FSCN2: variants seen among roughly 807,000 people sequenced by gnomAD.
FSCN2 encodes the protein fascin-2.
Under a neutral mutation model 37.8 loss-of-function variants are expected in FSCN2, and 46 were observed. The ratio of observed to expected loss-of-function variants is 1.22; its 90% confidence interval spans 0.96 to 1.56. FSCN2 has a LOEUF of 1.56. Ranked by LOEUF, FSCN2 falls within the 40% of genes most tolerant of loss-of-function variation. The pLI is 0.00. For missense variants in FSCN2, 844 were observed against 730.4 expected (o/e 1.16, Z -1.79); for synonymous variants, 351 against 309.4 (o/e 1.13, Z -1.41).
intron 2 of FSCN2, among the ~76,000 whole-genome samples, chr17:81,535,802 C>T (rs1314587438): frequency 9.1e-6 from 1 of 110,288 alleles, no homozygotes; most frequent in Non-Finnish European, 1.9e-5. Context: ...CCATCTCCAC[C>T]ATCCCCATCT....
upstream of FSCN2, among the ~76,000 whole-genome samples, chr17:81,524,893 TCACACACA>T (rs138139508): frequency 7.0e-4 from 86 of 122,838 alleles, no homozygotes; most frequent in Admixed American, 2.4e-3. Context: ...ATGAGCACCT[TCACACACA>T]CACACACACA....
chr17:81,531,297 A>ATGGTGG lies in FSCN2; in HGVS notation c.826+1945_826+1946insGTGGTG, dbSNP rs1568077052. 3.6e-3 allele frequency among the ~76,000 whole-genome samples: 161 copies of ATGGTGG among 44,368 alleles called. 4 individuals carry two copies. Among genetic ancestry groups the ATGGTGG allele is most frequent in the African/African-American group, 0.016 (146 of 9,290 alleles). The allele number at this position is 44,368 out of a possible 152,430, so 29.1% of individuals were successfully genotyped here. Reference sequence around the variant, plus strand: ...GGCGGTGGTGATGGTGATGGTGGTGATGGTGATGGTGGTGGTGGTGATGAT... The same window carrying ATGGTGG: ...GGCGGTGGTGATGGTGATGGTGGTGATGGTGGTGGTGATGGTGGTGGTGGTGATGAT... On this transcript the variant is annotated intron_variant, in intron 1 of 4. Coordinates refer to ENST00000417245, the MANE Select transcript of FSCN2 (RefSeq NM_012418.4).
chr17:81,536,022 G>A, intron 2 of FSCN2, 124 bp from the exon 3 acceptor site: 1 of 1,205,484 alleles, frequency 8.3e-7, no homozygotes, highest in South Asian at 1.4e-5. Context: ...GCCTGATGGT[G>A]GTGGGTGTGT....
In FSCN2 at chr17:81,529,134, C is replaced by T. The variant is rs2032461353; in HGVS notation, c.603C>T (p.Val201=). The change falls in exon 1 of 5, where the codon GTC becomes GTT. Residue 201 remains valine, a synonymous_variant. Coordinates refer to ENST00000417245, the MANE Select transcript of FSCN2 (RefSeq NM_012418.4). ...ACCTGCGCAGCGACGGCCGTCTGGT[C>T]TGGGAGCCTGAGCCCCGTGCCTGCT... ...SRYLRSDGRL[V]WEPEPRACYT... is the part of the protein sequence containing the mutation. 6.3e-7 allele frequency: 1 copy of T among 1,584,294 alleles called. No individual in the cohort carries two copies. Among genetic ancestry groups the T allele is most frequent in the Non-Finnish European group, 8.6e-7 (1 of 1,166,774 alleles).
chr17:81,518,049 C>T, the FSCN2 span, among the ~76,000 whole-genome samples: 1 of 152,280 alleles, frequency 6.6e-6, no homozygotes, highest in African/African-American at 2.4e-5. Flanking sequence ...TGTTTCAAAT[C>T]CCCGCTGCTC....
In FSCN2 at chr17:81,536,897, C is replaced by A; in HGVS notation, c.1296C>A (p.Tyr432Ter). ...CAGGCCGCGACGGAGGGTTCTGGTA[C>A]ACGGGCAGCCACGGCAGCGTGTGCA... ...RIRGRDGGFW[Y>*]TGSHGSVCSD... Residue 432 changes from tyrosine to a stop codon, truncating the protein, a stop_gained, in exon 5 of 5, where the codon TAC (tyrosine) becomes TAA (stop). Coordinates refer to ENST00000417245, the MANE Select transcript of FSCN2 (RefSeq NM_012418.4). LOFTEE classifies it low-confidence loss of function (END_TRUNC). The A allele has an allele frequency of 6.3e-7, 1 of 1,576,908 alleles. No individual in the cohort carries two copies. The highest frequency in any genetic ancestry group is 8.6e-7 in the Non-Finnish European group (1 of 1,163,876).
At chr17:81,518,240 C>A in the FSCN2 span, among the ~76,000 whole-genome samples, 8 of 152,158 alleles carry the variant, frequency 5.3e-5, no homozygotes, top group African/African-American at 1.9e-4. Flanking sequence ...ATGCCACCCA[C>A]GACCTCCCAT....
intron 1 of FSCN2, among the ~76,000 whole-genome samples, chr17:81,531,303 A>ATGGTGGTGG (rs1568077070): frequency 2.7e-5 from 1 of 37,278 alleles, no homozygotes; most frequent in African/African-American, 1.5e-4. Context: ...GGTGATGGTG[A>ATGGTGGTGG]TGGTGGTGGT....
chr17:81,533,396 C>T (rs2032759809), intron 1 of FSCN2, among the ~76,000 whole-genome samples: 1 of 152,188 alleles, frequency 6.6e-6, no homozygotes, highest in Non-Finnish European at 1.5e-5. Context: ...GGTGGGTTCC[C>T]AGGCAGCCAC....
the FSCN2 span, among the ~76,000 whole-genome samples, chr17:81,520,917 G>A: frequency 6.6e-6 from 1 of 151,792 alleles, no homozygotes; most frequent in Non-Finnish European, 1.5e-5. Flanking sequence ...CTGTTAATTG[G>A]GCATTATACC....
At chr17:81,531,496 T>C (rs1290057366) in intron 1 of FSCN2, among the ~76,000 whole-genome samples, 23 of 141,334 alleles carry the variant, frequency 1.6e-4, no homozygotes, top group African/African-American at 5.9e-4. Flanking sequence ...ATGATGGTGA[T>C]GGTGATGGTG....
chr17:81,532,616 GATA>G (rs1338464291), intron 1 of FSCN2, among the ~76,000 whole-genome samples: 8,173 of 142,188 alleles, frequency 0.057, 704 homozygotes, highest in African/African-American at 0.19. Context: ...TGATGGTGAT[GATA>G]ATGGTGATGA....
chr17:81,525,424 T>TGAAAAAAAAAAAAAAAAA (rs1555669986), upstream of FSCN2, among the ~76,000 whole-genome samples: 1 of 49,074 alleles, frequency 2.0e-5, no homozygotes, highest in Non-Finnish European at 4.4e-5. Context: ...AGACTCTGTC[T>TGAAAAAAAAAAAAAAAAA]CAAAAAAAAA....
chr17:81,528,962 T>A lies in FSCN2; in HGVS notation c.431T>A (p.Leu144Gln). The change falls in exon 1 of 5, where the codon CTG (leucine) becomes CAG (glutamine). Residue 144 changes from leucine to glutamine, a missense_variant. By Grantham distance (113) the Leu-to-Gln change is moderately radical (BLOSUM62 -2). Coordinates refer to ENST00000417245, the MANE Select transcript of FSCN2 (RefSeq NM_012418.4). Reference sequence around the variant, plus strand: ...GCCATCCACCCGCAGGCCCACCTGCTGAGCGTGAGCCGGCGGCGCTACGTG... The same window carrying A: ...GCCATCCACCCGCAGGCCCACCTGCAGAGCGTGAGCCGGCGGCGCTACGTG... ...HLAIHPQAHL[L>Q]SVSRRRYVHL... 1 of 1,589,432 alleles carries A rather than the reference T, an allele frequency of 6.3e-7. No homozygotes were observed. The highest frequency in any genetic ancestry group is 8.5e-7 in the Non-Finnish European group (1 of 1,172,242).
the FSCN2 span, among the ~76,000 whole-genome samples, chr17:81,523,024 G>A: frequency 6.6e-6 from 1 of 152,288 alleles, no homozygotes; most frequent in East Asian, 1.9e-4. Context: ...GGGGTCCAGA[G>A]TTTTCTGGCA....
At chr17:81,515,144 G>C in the FSCN2 span, among the ~76,000 whole-genome samples, 1 of 152,150 alleles carries the variant, frequency 6.6e-6, no homozygotes. Context: ...GGCAGGGCGA[G>C]GCCTGGAGCC....
rs200600577 is a variant in FSCN2, at chr17:81,528,677, A to C, written c.146A>C (p.Glu49Ala). Residue 49 changes from glutamate (E) to alanine (A), a missense_variant, in exon 1 of 5, where the codon GAA becomes GCA. Coordinates refer to ENST00000417245, the MANE Select transcript of FSCN2 (RefSeq NM_012418.4). ...SLKRKQTWVL[E>A]PDPGQGTAVL... ...AAGAGGAAGCAGACCTGGGTGCTGG[A>C]ACCCGACCCAGGACAAGGCACGGCT... 27 of 1,601,528 alleles carry C rather than the reference A, an allele frequency of 1.7e-5. No individual in the cohort carries two copies. The East Asian group carries it at 5.2e-4, about 31-fold the overall frequency.
At chr17:81,526,577 T>C (rs868972392), upstream of FSCN2, among the ~76,000 whole-genome samples, 2 of 152,338 alleles carry the variant, frequency 1.3e-5, no homozygotes, top group Middle Eastern at 3.4e-3. Context: ...TGAGCCAAGA[T>C]TGCGCCACTG....
upstream of FSCN2, chr17:81,528,348 A>G (rs1555670423): frequency 1.7e-6 from 1 of 593,448 alleles, no homozygotes; most frequent in African/African-American, 1.9e-5. Context: ...CGGGCCCTCT[A>G]AGAGCTGCCC....
Sources: gnomAD v4.1 joint callset for allele counts (sites outside exome capture counted in the v4.1 genomes callset) on GRCh38, gnomAD v4.1.1 for gene constraint, MANE v1.5 for transcripts, NCBI Gene and HGNC (gene_info 2026-07-23, HGNC 2026-07-21) for gene names.